EPC2: variants seen among roughly 807,000 people sequenced by gnomAD.
EPC2 encodes the protein enhancer of polycomb homolog 2.
EPC2 carries 14 observed loss-of-function variants against 92.1 expected under a neutral mutation model. That is an observed-to-expected ratio of 0.15 (90% CI 0.10 to 0.24). The LOEUF (loss-of-function observed/expected upper bound fraction) is 0.24, where lower values mean the gene tolerates loss of function less well. Ranked by LOEUF, EPC2 falls within the 10% of genes least tolerant of loss-of-function variation. The probability of loss-of-function intolerance (pLI) is 1.00; values close to 1 mark genes in which losing one functional copy is unlikely to be tolerated. For missense variants in EPC2, 755 were observed against 971.5 expected, an observed-to-expected ratio of 0.78 and a Z score of 2.96; for synonymous variants, 340 against 334.7, an observed-to-expected ratio of 1.02 and a Z score of -0.17.
chr2:148,658,928 A>G (rs1253187374), intron 1 of EPC2, among the ~76,000 whole-genome samples: 3 of 151,862 alleles, frequency 2.0e-5, no homozygotes, highest in Non-Finnish European at 2.9e-5. Flanking sequence ...TTTAGTCTTG[A>G]TGGGGAACTT....
intron 2 of EPC2, among the ~76,000 whole-genome samples, chr2:148,709,941 G>A (rs1360656837): frequency 6.6e-6 from 1 of 152,096 alleles, no homozygotes; most frequent in Non-Finnish European, 1.5e-5. Context: ...GCATGGACAA[G>A]GAATTCATGA....
At chr2:148,709,794 G>A (rs936996352) in intron 2 of EPC2, among the ~76,000 whole-genome samples, 1 of 152,138 alleles carries the variant, frequency 6.6e-6, no homozygotes, top group South Asian at 2.1e-4. Flanking sequence ...GGCCAGCCAT[G>A]TATGGAAAGC....
intron 4 of EPC2, among the ~76,000 whole-genome samples, chr2:148,757,732 G>A (rs1165937849): frequency 6.6e-6 from 1 of 152,030 alleles, no homozygotes; most frequent in Non-Finnish European, 1.5e-5. Flanking sequence ...AGCTACTCAG[G>A]AGGCTGAGGC....
chr2:148,755,632 A>G (rs919770462), intron 4 of EPC2, among the ~76,000 whole-genome samples: 1 of 152,244 alleles, frequency 6.6e-6, no homozygotes, highest in African/African-American at 2.4e-5. Flanking sequence ...TATTCAGTAC[A>G]GTAACACACT....
intron 2 of EPC2, among the ~76,000 whole-genome samples, chr2:148,703,234 A>G (rs1681923908): frequency 6.6e-6 from 1 of 152,138 alleles, no homozygotes; most frequent in Non-Finnish European, 1.5e-5. Flanking sequence ...ATTATTAGCC[A>G]TTAATCCTTA....
chr2:148,678,769 C>G (rs1478178891), intron 1 of EPC2, among the ~76,000 whole-genome samples: 1 of 152,258 alleles, frequency 6.6e-6, no homozygotes, highest in East Asian at 1.9e-4. Context: ...TTGTGCCTCT[C>G]CCTCCACACC....
chr2:148,752,756 A>G (rs1019384557), intron 3 of EPC2, among the ~76,000 whole-genome samples: 15 of 152,208 alleles, frequency 9.9e-5, no homozygotes, highest in African/African-American at 3.6e-4. Context: ...CTTGAAGTCC[A>G]GTGATCAGTG....
intron 7 of EPC2, among the ~76,000 whole-genome samples, chr2:148,765,860 A>AC (rs1683398593): frequency 6.6e-6 from 1 of 151,530 alleles, no homozygotes; most frequent in African/African-American, 2.4e-5. Flanking sequence ...ACACAGTGAA[A>AC]CCCTGTCTCT....
intron 1 of EPC2, among the ~76,000 whole-genome samples, chr2:148,680,368 C>G (rs1312522102): frequency 1.3e-5 from 2 of 152,200 alleles, no homozygotes; most frequent in African/African-American, 2.4e-5. Context: ...GACTGTTTCT[C>G]ATTCAACAGT....
chr2:148,662,588 G>T (rs922509587), intron 1 of EPC2, among the ~76,000 whole-genome samples: 2 of 151,930 alleles, frequency 1.3e-5, no homozygotes, highest in African/African-American at 4.8e-5. Flanking sequence ...AACACCGCGT[G>T]TTGTCACTCA....
intron 2 of EPC2, among the ~76,000 whole-genome samples, chr2:148,698,633 CAAAAAAAAAAAAAAAA>C (rs36045036): frequency 1.8e-5 from 1 of 57,008 alleles, no homozygotes; most frequent in African/African-American, 7.7e-5. Flanking sequence ...GACTCCATCT[CAAAAAAAAAAAAAAAA>C]AAAAAAAAAT....
At chr2:148,676,669 G>A (rs909207401) in intron 1 of EPC2, among the ~76,000 whole-genome samples, 7 of 150,740 alleles carry the variant, frequency 4.6e-5, no homozygotes, top group Non-Finnish European at 7.4e-5. Flanking sequence ...TTTTTTAAGT[G>A]GAGATCTAAA....
In EPC2 at chr2:148,770,856, G is replaced by T; in HGVS notation, c.1295G>T (p.Arg432Met). The T allele has an allele frequency of 1.9e-6, 3 of 1,613,810 alleles. No homozygotes were observed. Among genetic ancestry groups the T allele is most frequent in the Non-Finnish European group, 2.5e-6 (3 of 1,179,836 alleles). The change falls in exon 9 of 14, where the codon AGG becomes ATG. Residue 432 changes from arginine (R) to methionine (M), a missense_variant. Around this residue, in one of 4 missense-constraint regions of EPC2, gnomAD observed 509 missense variants for 607.7 expected, o/e 0.84. Transcript: ENST00000258484. The part of the protein sequence containing the change: ...NSELADLDKL[R>M]YRHCLTTLTV... ...GAATTGGCAGATTTGGATAAGTTGA[G>T]GTATAGGCATTGCCTTACAACACTT...
intron 2 of EPC2, among the ~76,000 whole-genome samples, chr2:148,709,484 G>A (rs897332182): frequency 2.0e-5 from 3 of 152,076 alleles, no homozygotes; most frequent in African/African-American, 7.2e-5. Flanking sequence ...CACAGAATTG[G>A]AAAAAACTAC....
intron 2 of EPC2, among the ~76,000 whole-genome samples, chr2:148,729,429 A>C (rs1682573911): frequency 1.3e-5 from 2 of 152,184 alleles, no homozygotes; most frequent in South Asian, 2.1e-4. Context: ...AGTTTCCTTT[A>C]ATGTAACATC....
rs1210066201 is a variant in EPC2, at chr2:148,769,158, C to A, written c.1148C>A (p.Ser383Tyr). ...SDEDEFPQVLSPVSEPEEEND... is the reference protein window; with the variant it reads ...SDEDEFPQVLYPVSEPEEEND... ...AATGCCTCTTTTGTCTAGGTATTGT[C>A]CCCAGTATCAGAACCGGAAGAAGAA... Residue 383 changes from serine to tyrosine, a missense_variant, in exon 8 of 14, where the codon TCC (serine) becomes TAC (tyrosine). By Grantham distance (144) the Ser-to-Tyr change is moderately radical (BLOSUM62 -2). Around this residue, in one of 4 missense-constraint regions of EPC2, gnomAD observed 509 missense variants for 607.7 expected, o/e 0.84. Transcript: ENST00000258484. The A allele has an allele frequency of 6.2e-7, 1 of 1,611,052 alleles. No homozygotes were observed. The highest frequency in any genetic ancestry group is 8.5e-7 in the Non-Finnish European group (1 of 1,178,276).
intron 3 of EPC2, among the ~76,000 whole-genome samples, chr2:148,745,571 C>T (rs1390036239): frequency 1.3e-5 from 2 of 152,098 alleles, no homozygotes; most frequent in Non-Finnish European, 2.9e-5. Context: ...CAGGGACAAG[C>T]TTCTAGGCTG....
At chr2:148,689,255 T>C (rs937301955) in intron 1 of EPC2, among the ~76,000 whole-genome samples, 1 of 151,504 alleles carries the variant, frequency 6.6e-6, no homozygotes, top group South Asian at 2.1e-4. Flanking sequence ...CGGCTCACTG[T>C]AACCTCTGCC....
At chr2:148,695,893 G>A (rs1376384432) in intron 2 of EPC2, among the ~76,000 whole-genome samples, 5 of 152,218 alleles carry the variant, frequency 3.3e-5, no homozygotes, top group Non-Finnish European at 7.3e-5. Flanking sequence ...CAGATTTGTG[G>A]AGAACACATT....
Sources: gnomAD v4.1 joint callset for allele counts (sites outside exome capture counted in the v4.1 genomes callset) on GRCh38, gnomAD v4.1.1 for gene constraint, gnomAD v4.1.1 regional missense constraint, MANE v1.5 for transcripts, NCBI Gene and HGNC (gene_info 2026-07-23, HGNC 2026-07-21) for gene names.